Variants in GBE1 observed in about 807,000 individuals in gnomAD.
GBE1 encodes the protein 1,4-alpha-glucan branching enzyme 1.
In GBE1, 70 loss-of-function variants were observed where a neutral mutation model predicts 88.8. That is an observed-to-expected ratio of 0.79 (90% confidence interval 0.65 to 0.96). The LOEUF is 0.96. Among genes scored for constraint, GBE1 ranks in the 40% least tolerant of loss-of-function variants. The pLI is 0.00. For missense variants in GBE1, 872 were observed against 871.0 expected (o/e 1.00, Z -0.01); for synonymous variants, 284 against 300.1 (o/e 0.95, Z 0.56).
At chr3:81,736,176 A>C (rs1166860066) in intron 1 of GBE1, among the ~76,000 whole-genome samples, 1 of 152,224 alleles carries the variant, frequency 6.6e-6, no homozygotes, top group East Asian at 1.9e-4. Flanking sequence ...CTCAATTCTT[A>C]ATCATGGGTA....
intron 9 of GBE1, among the ~76,000 whole-genome samples, chr3:81,587,278 C>G (rs1452978457): frequency 6.6e-6 from 1 of 152,150 alleles, no homozygotes; most frequent in African/African-American, 2.4e-5. Context: ...ATTAAGACAA[C>G]TTTAGGAAAA....
At chr3:81,534,363 A>G (rs910984536) in intron 14 of GBE1, among the ~76,000 whole-genome samples, 9 of 152,044 alleles carry the variant, frequency 5.9e-5, no homozygotes, top group Non-Finnish European at 1.2e-4. Flanking sequence ...GAATTCCTAT[A>G]TTTACAGTAA....
rs377250789 is a variant in GBE1 at position 81,648,866 on chromosome 3, G to T, written c.681C>A (p.Ile227=). Residue 227 remains isoleucine, a synonymous_variant, in exon 5 of 16, where the codon ATC becomes ATA. Coordinates refer to ENST00000429644, the MANE Select transcript of GBE1 (RefSeq NM_000158.4). ...ACAGTTATTACTTACCAAGGCCTTT[G>T]ATTCTTGGTAGTACATTGCATGTAA... The part of the protein sequence containing the change: ...KHFTCNVLPR[I]KGLGYNCIQL... 2.0e-6 allele frequency: 3 copies of T among 1,520,832 alleles called. No homozygotes were observed. The highest frequency in any genetic ancestry group is 1.4e-5 in the African/African-American group (1 of 70,208). 94.2% of individuals were successfully genotyped at this position (1,520,832 alleles called of 1,614,324 possible).
At chr3:81,710,232 CTT>C (rs397990331) in intron 1 of GBE1, among the ~76,000 whole-genome samples, 3 of 93,202 alleles carry the variant, frequency 3.2e-5, no homozygotes, top group Non-Finnish European at 5.8e-5. Flanking sequence ...GGTAATTAAT[CTT>C]TTTTTTTTTT....
chr3:81,681,137 G>A (rs767329558), intron 2 of GBE1, among the ~76,000 whole-genome samples: 1 of 152,312 alleles, frequency 6.6e-6, no homozygotes, highest in Non-Finnish European at 1.5e-5. Context: ...AACACAGAAA[G>A]GATAAAGCAT....
intron 3 of GBE1, among the ~76,000 whole-genome samples, chr3:81,654,098 T>C (rs1029228909): frequency 6.6e-6 from 1 of 152,126 alleles, no homozygotes; most frequent in Non-Finnish European, 1.5e-5. Flanking sequence ...TACCAAATAA[T>C]ACCATAATAA....
At chr3:81,597,864 A>G (rs1406147258) in intron 7 of GBE1, among the ~76,000 whole-genome samples, 2 of 151,906 alleles carry the variant, frequency 1.3e-5, no homozygotes. Context: ...GAAATATTCA[A>G]CCTGTAATCA....
intron 15 of GBE1, among the ~76,000 whole-genome samples, chr3:81,492,901 C>A (rs1702456122): frequency 6.6e-6 from 1 of 152,072 alleles, no homozygotes; most frequent in Non-Finnish European, 1.5e-5. Flanking sequence ...CCACACTCAG[C>A]TAAATTTTGT....
chr3:81,510,102 T>C (rs1040028258), intron 14 of GBE1, among the ~76,000 whole-genome samples: 29 of 152,042 alleles, frequency 1.9e-4, no homozygotes, highest in African/African-American at 7.0e-4. Context: ...TGGTTAGCTT[T>C]CTCTATAAAA....
rs566582131 is a variant in GBE1 at position 81,641,245 on chromosome 3, C to T, written c.992+1536G>A. ...ACAGTTCTACAAAATAGAGTCAACC[C>T]TCCTTCATCCAATTATAAACCAGAG... is the stretch of plus-strand genomic sequence containing the variant. On this transcript the variant is annotated intron_variant, in intron 7 of 15. Coordinates refer to ENST00000429644, the MANE Select transcript of GBE1 (RefSeq NM_000158.4). 6.4e-4 allele frequency among the ~76,000 whole-genome samples: 98 copies of T among 152,074 alleles called. No individual in the cohort carries two copies. The Middle Eastern group carries it at 0.01, about 16-fold the overall frequency.
intron 12 of GBE1, among the ~76,000 whole-genome samples, chr3:81,545,614 ATGTG>A (rs3083686): frequency 6.7e-5 from 10 of 149,646 alleles, no homozygotes; most frequent in Non-Finnish European, 1.2e-4. Flanking sequence ...TATCAAGCAT[ATGTG>A]TGTGTGTGTG....
chr3:81,640,045 T>C (rs1704648185), intron 7 of GBE1, among the ~76,000 whole-genome samples: 1 of 152,228 alleles, frequency 6.6e-6, no homozygotes, highest in African/African-American at 2.4e-5. Context: ...AGGACTTTGA[T>C]CATGATTGCT....
At chr3:81,708,551 C>T (rs1243585822) in intron 1 of GBE1, among the ~76,000 whole-genome samples, 1 of 152,074 alleles carries the variant, frequency 6.6e-6, no homozygotes, top group Non-Finnish European at 1.5e-5. Context: ...GGAGAAAAGA[C>T]ATTTTTAAAT....
intron 14 of GBE1, among the ~76,000 whole-genome samples, chr3:81,526,458 A>G (rs1367783102): frequency 3.3e-5 from 5 of 152,092 alleles, no homozygotes; most frequent in African/African-American, 4.8e-5. Context: ...ACATGATTGT[A>G]TATCTAGAAA....
chr3:81,659,328 CTTTTTTTATTT>C (rs1338714747), intron 3 of GBE1, among the ~76,000 whole-genome samples: 12 of 151,130 alleles, frequency 7.9e-5, no homozygotes, highest in Admixed American at 5.3e-4. Flanking sequence ...AGCAATCATT[CTTTTTTTATTT>C]TTTTTTTATT....
chr3:81,578,096 C>A lies in GBE1; in HGVS notation c.1447G>T (p.Ala483Ser). 1 of 1,587,184 alleles carries A rather than the reference C, an allele frequency of 6.3e-7. No individual in the cohort carries two copies. ...CIAYAESHDQ[A>S]LVGDKSLAFW... Reference sequence around the variant, plus strand: ...GCCAGCGACTTATCCCCAACCAATGCCTACAGAAATAAAAGTAATGGAGAT... The same window carrying A: ...GCCAGCGACTTATCCCCAACCAATGACTACAGAAATAAAAGTAATGGAGAT... Residue 483 changes from alanine (A) to serine (S), a missense_variant and splice_region_variant, in exon 12 of 16, where the codon GCA becomes TCA. Physicochemically the swap from Ala to Ser is moderately conservative, Grantham distance 99. Transcript: ENST00000429644.
intron 7 of GBE1, among the ~76,000 whole-genome samples, chr3:81,613,951 A>G (rs199722800): frequency 1.3e-5 from 2 of 151,864 alleles, no homozygotes; most frequent in Non-Finnish European, 2.9e-5. Context: ...AAAAAAAAAA[A>G]CCCTTAAAAC....
chr3:81,583,136 T>A (rs1399405778), intron 10 of GBE1, among the ~76,000 whole-genome samples: 4 of 152,124 alleles, frequency 2.6e-5, no homozygotes, highest in Non-Finnish European at 5.9e-5. Context: ...TCCAGCATCA[T>A]AAACCATTTG....
At chr3:81,561,883 A>C (rs1015900090) in intron 12 of GBE1, among the ~76,000 whole-genome samples, 4 of 152,064 alleles carry the variant, frequency 2.6e-5, no homozygotes, top group Admixed American at 6.6e-5. Context: ...GACTACACAG[A>C]GGATCAGCAT....
Sources: allele counts gnomAD v4.1 joint callset (sites outside exome capture counted in the v4.1 genomes callset), GRCh38; gene constraint gnomAD v4.1.1; transcripts MANE v1.5; gene names NCBI Gene and HGNC (gene_info 2026-07-23, HGNC 2026-07-21).